Variants in FBXL4 observed in about 807,000 individuals in gnomAD.
FBXL4 encodes F-box and leucine rich repeat protein 4.
A neutral mutation model predicts 58.9 loss-of-function variants in FBXL4; 40 were observed. The observed-to-expected ratio is 0.68, with a 90% CI of 0.53 to 0.88. The LOEUF (loss-of-function observed/expected upper bound fraction) is 0.88, where lower values mean the gene tolerates loss of function less well. Ranked by LOEUF, FBXL4 falls within the 40% of genes least tolerant of loss-of-function variation. The pLI is 0.00. For synonymous variants in FBXL4, 263 were observed against 265.5 expected, an observed-to-expected ratio of 0.99 and a Z score of 0.09; for missense variants, 676 against 734.4, an observed-to-expected ratio of 0.92 and a Z score of 0.92.
At chr6:98,940,508 T>C (rs1340012153) in intron 1 of FBXL4, among the ~76,000 whole-genome samples, 1 of 152,232 alleles carries the variant, frequency 6.6e-6, no homozygotes, top group Admixed American at 6.5e-5. Context: ...GGGTGGGTGG[T>C]GATACCCTGT....
chr6:98,899,093 T>G, intron 7 of FBXL4, 175 bp downstream of exon 7: 1 of 985,222 alleles, frequency 1.0e-6, no homozygotes, highest in Non-Finnish European at 1.2e-6. Context: ...AAAAGCATAT[T>G]AGGTTTGAAA....
At chr6:98,889,697 A>C (rs1169334770) in intron 7 of FBXL4, among the ~76,000 whole-genome samples, 1 of 145,020 alleles carries the variant, frequency 6.9e-6, no homozygotes, top group African/African-American at 2.6e-5. Context: ...AAAAAAAAAA[A>C]CAATGGTTTC....
chr6:98,909,394 C>T (rs1380784984), intron 5 of FBXL4, among the ~76,000 whole-genome samples: 3 of 152,152 alleles, frequency 2.0e-5, no homozygotes, highest in Non-Finnish European at 2.9e-5. Context: ...GCAGCCTCCC[C>T]TATCAAATCC....
chr6:98,941,101 A>T (rs2128412857), intron 1 of FBXL4, among the ~76,000 whole-genome samples: 1 of 152,296 alleles, frequency 6.6e-6, no homozygotes, highest in African/African-American at 2.4e-5. Flanking sequence ...ACCTACATCC[A>T]ACCAAAAACC....
At chr6:98,907,229 C>G (rs1763543600) in intron 5 of FBXL4, among the ~76,000 whole-genome samples, 1 of 152,162 alleles carries the variant, frequency 6.6e-6, no homozygotes, top group South Asian at 2.1e-4. Flanking sequence ...GAAAGCCTCA[C>G]AGAGGAGCTT....
chr6:98,931,276 G>A (rs1773001750), intron 2 of FBXL4, among the ~76,000 whole-genome samples: 1 of 152,116 alleles, frequency 6.6e-6, no homozygotes, highest in Non-Finnish European at 1.5e-5. Context: ...TTTTACCATT[G>A]TAGATTATAA....
intron 5 of FBXL4, among the ~76,000 whole-genome samples, chr6:98,914,474 T>G (rs997196157): frequency 6.6e-6 from 1 of 152,294 alleles, no homozygotes; most frequent in African/African-American, 2.4e-5. Context: ...TCCACCATGA[T>G]CAAGTGGGCT....
Position 98,868,672 on chromosome 6 carries a change from CAG to C in FBXL4, c.*5604_*5605del, listed in dbSNP as rs1490550347. 12 of 152,268 alleles carry C rather than the reference CAG, an allele frequency of 7.9e-5. No individual in the cohort carries two copies. In the East Asian group the frequency reaches 1.7e-3, roughly 22 times the overall value. 9.4% of individuals were successfully genotyped at this position (152,268 alleles called of 1,614,324 possible). On this transcript the variant is annotated 3_prime_UTR_variant, in exon 10 of 10. Coordinates refer to ENST00000369244, the MANE Select transcript of FBXL4 (RefSeq NM_001278716.2). ...TCTGTACAGACAACTTCATTTGTAA[CAG>C]AGACTTGTTTTATCTTTAGTGTATT...
chr6:98,926,412 T>G (rs1772780281), intron 4 of FBXL4, 65 bp downstream of exon 4: 1 of 1,451,082 alleles, frequency 6.9e-7, no homozygotes, highest in East Asian at 2.3e-5. Flanking sequence ...ATAAAAAAGA[T>G]CTCCAATATT....
At chr6:98,877,525 C>G (rs965268480) in intron 8 of FBXL4, among the ~76,000 whole-genome samples, 2 of 152,114 alleles carry the variant, frequency 1.3e-5, no homozygotes, top group Non-Finnish European at 2.9e-5. Flanking sequence ...AAAAATGAAA[C>G]TAAATACTTT....
At chr6:98,941,030 T>A (rs1773412346) in intron 1 of FBXL4, among the ~76,000 whole-genome samples, 1 of 152,194 alleles carries the variant, frequency 6.6e-6, no homozygotes, top group Non-Finnish European at 1.5e-5. Context: ...TAAAGGTCCA[T>A]CCGCCCTTAC....
At chr6:98,906,570 A>G (rs1182181347) in intron 5 of FBXL4, among the ~76,000 whole-genome samples, 1 of 152,134 alleles carries the variant, frequency 6.6e-6, no homozygotes, top group African/African-American at 2.4e-5. Context: ...CCAGTCTATC[A>G]CTGATGGATA....
chr6:98,915,953 T>C (rs1772326466), intron 5 of FBXL4, among the ~76,000 whole-genome samples: 1 of 151,942 alleles, frequency 6.6e-6, no homozygotes, highest in Non-Finnish European at 1.5e-5. Flanking sequence ...GAATCTACAA[T>C]GAACTCAAAC....
intron 4 of FBXL4, among the ~76,000 whole-genome samples, chr6:98,922,489 C>G (rs1176731978): frequency 2.0e-5 from 3 of 152,210 alleles, no homozygotes; most frequent in Admixed American, 6.5e-5. Context: ...CTGTAGCCCA[C>G]TGGGTTCCCA....
intron 2 of FBXL4, among the ~76,000 whole-genome samples, chr6:98,931,129 A>G (rs1772996046): frequency 6.6e-6 from 1 of 152,182 alleles, no homozygotes; most frequent in South Asian, 2.1e-4. Flanking sequence ...ACGGTCTATA[A>G]ATTGCTTCAA....
intron 1 of FBXL4, among the ~76,000 whole-genome samples, chr6:98,937,637 A>G (rs1305248761): frequency 6.6e-6 from 1 of 152,096 alleles, no homozygotes; most frequent in Non-Finnish European, 1.5e-5. Context: ...GAGGTGTAAA[A>G]AGAGGCAGGA....
chr6:98,909,150 A>G (rs1771933062), intron 5 of FBXL4, among the ~76,000 whole-genome samples: 1 of 152,206 alleles, frequency 6.6e-6, no homozygotes, highest in South Asian at 2.1e-4. Flanking sequence ...ATTATCTGCA[A>G]AGTCTAAAGT....
chr6:98,905,803 T>G, intron 5 of FBXL4, 133 bp from the exon 6 acceptor site: 4 of 884,820 alleles, frequency 4.5e-6, no homozygotes, highest in Non-Finnish European at 6.7e-6. Flanking sequence ...TAAATAAACA[T>G]CCAACAGAAT....
intron 6 of FBXL4, among the ~76,000 whole-genome samples, chr6:98,903,308 G>C (rs1318792585): frequency 6.6e-6 from 1 of 152,072 alleles, no homozygotes; most frequent in South Asian, 2.1e-4. Flanking sequence ...GGGGCCAACA[G>C]TAATCAGTAG....
Sources: allele counts gnomAD v4.1 joint callset (sites outside exome capture counted in the v4.1 genomes callset), GRCh38; gene constraint gnomAD v4.1.1; transcripts MANE v1.5; gene names NCBI Gene and HGNC (gene_info 2026-07-23, HGNC 2026-07-21).